The following JAM3 variants were observed in gnomAD, a reference collection of about 807,000 sequenced individuals.
The protein encoded by JAM3 is junctional adhesion molecule 3.
A neutral mutation model predicts 39.4 loss-of-function variants in JAM3; 31 were observed. The observed-to-expected ratio is 0.79, with a 90% CI of 0.59 to 1.06. JAM3 has a LOEUF of 1.06. Among genes scored for constraint, JAM3 ranks in the 50% least tolerant of loss-of-function variants. The pLI is 0.00. For synonymous variants in JAM3, 182 were observed against 148.7 expected (o/e 1.22, Z -1.63); for missense variants, 455 against 391.4 (o/e 1.16, Z -1.37).
intron 2 of JAM3, 94 bp downstream of exon 2, chr11:134,140,010 G>T: frequency 9.9e-7 from 1 of 1,006,620 alleles, no homozygotes; most frequent in South Asian, 1.3e-5. Context: ...CTCTGTAAGT[G>T]TGCCAGGGAG....
At chr11:134,124,755 G>T (rs1942610967) in intron 1 of JAM3, among the ~76,000 whole-genome samples, 1 of 152,212 alleles carries the variant, frequency 6.6e-6, no homozygotes, top group African/African-American at 2.4e-5. Flanking sequence ...GCCGGTCGGT[G>T]TGTCCAGGAG....
At chr11:134,113,224 G>T (rs1375173671) in intron 1 of JAM3, among the ~76,000 whole-genome samples, 1 of 150,118 alleles carries the variant, frequency 6.7e-6, no homozygotes, top group African/African-American at 2.5e-5. Context: ...AATACTTTAA[G>T]GGTACATGTG....
At chr11:134,085,452 A>G (rs538934460) in intron 1 of JAM3, among the ~76,000 whole-genome samples, 1 of 152,198 alleles carries the variant, frequency 6.6e-6, no homozygotes, top group Non-Finnish European at 1.5e-5. Flanking sequence ...ATTAATAAAC[A>G]TATTGTTATT....
intron 1 of JAM3, among the ~76,000 whole-genome samples, chr11:134,126,928 T>A (rs577652022): frequency 1.3e-5 from 2 of 152,314 alleles, no homozygotes; most frequent in East Asian, 1.9e-4. Flanking sequence ...CACTGATGCA[T>A]TGTAGGATAG....
intron 1 of JAM3, among the ~76,000 whole-genome samples, chr11:134,097,753 A>G (rs565657904): frequency 7.2e-5 from 11 of 152,238 alleles, no homozygotes; most frequent in Admixed American, 2.0e-4. Flanking sequence ...TTATTTTTAT[A>G]TTACAAGTTG....
At position 134,139,523 on chromosome 11, in the gene JAM3, C is replaced by T. The variant is rs1430144472; in HGVS notation, c.77-328C>T. 1.4e-5 allele frequency: 5 copies of T among 346,606 alleles called. 1 individual carries two copies. Among genetic ancestry groups the T allele is most frequent in the South Asian group, 1.0e-4 (4 of 40,160 alleles). The allele number at this position is 346,606 out of a possible 1,614,324, so 21.5% of individuals were successfully genotyped here. On this transcript the variant is annotated intron_variant, in intron 1 of 8. Coordinates refer to ENST00000299106, the MANE Select transcript of JAM3 (RefSeq NM_032801.5). Reference sequence around the variant, plus strand: ...ATGGAGGGAGAAAGGGCAGAAGGCCCGGGCAGGTCTGGGAGGAGAGGTGTC... The same window carrying T: ...ATGGAGGGAGAAAGGGCAGAAGGCCTGGGCAGGTCTGGGAGGAGAGGTGTC...
At chr11:134,125,108 A>G (rs1439158427) in intron 1 of JAM3, among the ~76,000 whole-genome samples, 1 of 152,046 alleles carries the variant, frequency 6.6e-6, no homozygotes, top group Non-Finnish European at 1.5e-5. Flanking sequence ...CCCGAGGTGC[A>G]CGGCCGCCGC....
chr11:134,133,785 C>T (rs1303973836), intron 1 of JAM3, among the ~76,000 whole-genome samples: 1 of 152,138 alleles, frequency 6.6e-6, no homozygotes, highest in Non-Finnish European at 1.5e-5. Flanking sequence ...ACACACACAC[C>T]TTACCACCAC....
chr11:134,091,166 C>T (rs902922062), intron 1 of JAM3, among the ~76,000 whole-genome samples: 1 of 152,000 alleles, frequency 6.6e-6, no homozygotes, highest in South Asian at 2.1e-4. Context: ...TGAGGACCAG[C>T]CTGGGCAACA....
chr11:134,148,718 AATAAT>A (rs1943126349), intron 7 of JAM3, 41 bp from the exon 8 acceptor site: 4 of 1,614,046 alleles, frequency 2.5e-6, no homozygotes, highest in East Asian at 2.2e-5. Context: ...TCAAGCTGGC[AATAAT>A]ATAACAACCC....
At chr11:134,140,036 T>C in intron 2 of JAM3, 120 bp downstream of exon 2, 2 of 790,624 alleles carry the variant, frequency 2.5e-6, no homozygotes, top group Non-Finnish European at 2.2e-6. Flanking sequence ...CCGGGTGGAC[T>C]GCTCTGCGGT....
chr11:134,102,225 C>T (rs958223561), intron 1 of JAM3, among the ~76,000 whole-genome samples: 5 of 152,170 alleles, frequency 3.3e-5, no homozygotes, highest in African/African-American at 4.8e-5. Context: ...TGTCCTGCAG[C>T]CTCCGCTGCT....
At chr11:134,086,062 A>G (rs1240134735) in intron 1 of JAM3, among the ~76,000 whole-genome samples, 1 of 152,234 alleles carries the variant, frequency 6.6e-6, no homozygotes, top group Non-Finnish European at 1.5e-5. Context: ...ATCTCCTCAC[A>G]TATTTGAGCC....
At chr11:134,089,876 A>T (rs1371906697) in intron 1 of JAM3, among the ~76,000 whole-genome samples, 1 of 152,208 alleles carries the variant, frequency 6.6e-6, no homozygotes, top group Non-Finnish European at 1.5e-5. Context: ...TCCCTGAGGA[A>T]TCGCCACACT....
At chr11:134,140,888 T>G in intron 3 of JAM3, 118 bp downstream of exon 3, 6 of 1,315,186 alleles carry the variant, frequency 4.6e-6, no homozygotes, top group Non-Finnish European at 6.1e-6. Flanking sequence ...TAGGACCGTT[T>G]TTTTTTTTTT....
intron 1 of JAM3, among the ~76,000 whole-genome samples, chr11:134,124,698 A>G (rs556576740): frequency 6.6e-6 from 1 of 152,166 alleles, no homozygotes; most frequent in South Asian, 2.1e-4. Flanking sequence ...TGGAGTCATT[A>G]AAAGAAATAT....
rs1942773114 is a variant in JAM3, at chr11:134,131,698, G to A, written c.77-8153G>A. Among the ~76,000 whole-genome samples the A allele has an allele frequency of 2.0e-5, 3 of 152,206 alleles. No homozygotes were observed. In the South Asian group the frequency reaches 6.2e-4, roughly 32 times the overall value. Reference sequence around the variant, plus strand: ...GGAGAACATGGACAAAGAACTAAAGGCAATCAGGCAAACAGTCCCTGAAGA... The same window carrying A: ...GGAGAACATGGACAAAGAACTAAAGACAATCAGGCAAACAGTCCCTGAAGA... On this transcript the variant is annotated intron_variant, in intron 1 of 8. Transcript: ENST00000299106.
chr11:134,108,238 A>G (rs941572569), intron 1 of JAM3, among the ~76,000 whole-genome samples: 1 of 152,128 alleles, frequency 6.6e-6, no homozygotes, highest in African/African-American at 2.4e-5. Flanking sequence ...TCACTCAAGA[A>G]GAAATAAGTG....
Position 134,144,880 on chromosome 11 carries a change from C to T in JAM3, c.498C>T (p.His166=), listed in dbSNP as rs548076571. The T allele has an allele frequency of 1.2e-6, 2 of 1,613,850 alleles. No homozygotes were observed. The highest frequency in any genetic ancestry group is 1.6e-4 in the Middle Eastern group (1 of 6,062). Residue 166 remains histidine (H), a synonymous_variant, in exon 5 of 9, where the codon CAC becomes CAT. Transcript: ENST00000299106. Reference sequence around the variant, plus strand: ...TGCACTGCCAGGAGAGTGAGGGCCACCCCCGGCCTCACTACAGCTGGTATC... The same window carrying T: ...TGCACTGCCAGGAGAGTGAGGGCCATCCCCGGCCTCACTACAGCTGGTATC... ...ATLHCQESEG[H]PRPHYSWYRN...
Sources: gnomAD v4.1 joint callset for allele counts (sites outside exome capture counted in the v4.1 genomes callset) on GRCh38, gnomAD v4.1.1 for gene constraint, MANE v1.5 for transcripts, NCBI Gene and HGNC (gene_info 2026-07-23, HGNC 2026-07-21) for gene names.